Variants in NELL1 observed in about 807,000 individuals in gnomAD.
The protein encoded by NELL1 is protein kinase C-binding protein NELL1.
Under a neutral mutation model 107.4 loss-of-function variants are expected in NELL1, and 76 were observed. That is an observed-to-expected ratio of 0.71 (90% CI 0.59 to 0.86). The LOEUF (loss-of-function observed/expected upper bound fraction) is 0.86. Among genes scored for constraint, NELL1 ranks in the 40% least tolerant of loss-of-function variants. The pLI is 0.00. For synonymous variants in NELL1, 353 were observed against 341.2 expected (o/e 1.03, Z -0.38); for missense variants, 1,024 against 1,005.5 (o/e 1.02, Z -0.25).
chr11:21,248,705 G>A (rs1057368536), intron 14 of NELL1, among the ~76,000 whole-genome samples: 1 of 152,114 alleles, frequency 6.6e-6, no homozygotes, highest in Non-Finnish European at 1.5e-5. Flanking sequence ...ATTTCCTTCT[G>A]GGACCCACCC....
intron 4 of NELL1, among the ~76,000 whole-genome samples, chr11:20,856,415 G>C (rs141730898): frequency 6.6e-6 from 1 of 152,320 alleles, no homozygotes; most frequent in African/African-American, 2.4e-5. Context: ...CTACTCATTA[G>C]AGTCTATTAG....
chr11:21,408,922 C>A (rs928415038), intron 15 of NELL1, among the ~76,000 whole-genome samples: 2 of 151,804 alleles, frequency 1.3e-5, no homozygotes, highest in African/African-American at 4.8e-5. Context: ...ATTAAAAAGT[C>A]AGGAAACAAC....
chr11:21,423,399 T>C (rs1198787120), intron 15 of NELL1, among the ~76,000 whole-genome samples: 1 of 151,958 alleles, frequency 6.6e-6, no homozygotes, highest in Admixed American at 6.6e-5. Context: ...AAAGATATTA[T>C]ATGTTAATAA....
chr11:21,046,536 C>T (rs1017067129), intron 12 of NELL1, among the ~76,000 whole-genome samples: 4 of 151,952 alleles, frequency 2.6e-5, no homozygotes, highest in South Asian at 2.1e-4. Context: ...ATGTTATGTC[C>T]GACTTTGTTC....
intron 13 of NELL1, among the ~76,000 whole-genome samples, chr11:21,116,135 C>A (rs1855230141): frequency 6.6e-6 from 1 of 152,064 alleles, no homozygotes; most frequent in South Asian, 2.1e-4. Flanking sequence ...TTTATGAACT[C>A]TGTTTTGCTA....
At chr11:21,015,423 C>T (rs1005364474) in intron 12 of NELL1, among the ~76,000 whole-genome samples, 1 of 152,086 alleles carries the variant, frequency 6.6e-6, no homozygotes, top group Non-Finnish European at 1.5e-5. Context: ...GTGGTTCCTA[C>T]CTTAGAGTGA....
Position 21,324,744 on chromosome 11 carries a change from G to C in NELL1, c.1550-46109G>C, listed in dbSNP as rs953546517. Among the ~76,000 whole-genome samples the C allele has an allele frequency of 2.0e-5, 3 of 152,170 alleles. No individual in the cohort carries two copies. In the East Asian group the frequency reaches 5.8e-4, roughly 29 times the overall value. On this transcript the variant is annotated intron_variant, in intron 14 of 19. Coordinates refer to ENST00000357134, the MANE Select transcript of NELL1 (RefSeq NM_006157.5). ...AGAGAACAGAGATCACTCAAAATAT[G>C]ATTGTTCTCTCTTCATTCCACAAGT...
chr11:20,819,353 C>T (rs1857697300), intron 3 of NELL1, among the ~76,000 whole-genome samples: 1 of 152,142 alleles, frequency 6.6e-6, no homozygotes, highest in Non-Finnish European at 1.5e-5. Context: ...AACCCAATTA[C>T]AGTGTTGCAT....
chr11:21,252,389 G>A (rs903142160), intron 14 of NELL1, among the ~76,000 whole-genome samples: 2 of 152,050 alleles, frequency 1.3e-5, no homozygotes, highest in Non-Finnish European at 2.9e-5. Flanking sequence ...ATAAAAAATG[G>A]AGCTAGATCA....
chr11:21,374,887 CTGTGTGTGTG>C (rs10566953), intron 15 of NELL1, among the ~76,000 whole-genome samples: 2,270 of 143,786 alleles, frequency 0.016, 46 homozygotes, highest in African/African-American at 0.046. Context: ...CTGTGTGTGT[CTGTGTGTGTG>C]TGTGTGTGTG....
chr11:21,190,186 C>T (rs1334523216), intron 13 of NELL1, among the ~76,000 whole-genome samples: 1 of 151,562 alleles, frequency 6.6e-6, no homozygotes, highest in East Asian at 1.9e-4. Context: ...AATCCTGTCT[C>T]GTCTAAAATA....
intron 14 of NELL1, among the ~76,000 whole-genome samples, chr11:21,360,514 A>G (rs1019231845): frequency 1.3e-5 from 2 of 152,066 alleles, no homozygotes; most frequent in African/African-American, 4.8e-5. Context: ...CATTTGTTCT[A>G]GGGTATAGTT....
chr11:21,433,236 C>T (rs1853013793), intron 15 of NELL1, among the ~76,000 whole-genome samples: 1 of 152,082 alleles, frequency 6.6e-6, no homozygotes, highest in Non-Finnish European at 1.5e-5. Context: ...AAATAGTATT[C>T]CATTGTGTAT....
At chr11:21,514,307 T>C (rs1855506528) in intron 15 of NELL1, among the ~76,000 whole-genome samples, 1 of 152,206 alleles carries the variant, frequency 6.6e-6, no homozygotes, top group Admixed American at 6.5e-5. Flanking sequence ...ATTTGGCATA[T>C]AAAAATGAAG....
chr11:20,706,428 A>G (rs1854957082), intron 2 of NELL1, among the ~76,000 whole-genome samples: 1 of 151,602 alleles, frequency 6.6e-6, no homozygotes, highest in South Asian at 2.1e-4. Context: ...ACAAAAAACC[A>G]AACACCGCAT....
At chr11:21,181,782 A>T (rs1856831791) in intron 13 of NELL1, among the ~76,000 whole-genome samples, 1 of 151,826 alleles carries the variant, frequency 6.6e-6, no homozygotes, top group South Asian at 2.1e-4. Context: ...TTAAATCTTC[A>T]TTTAATTAAT....
rs111289594 is a variant in NELL1, at chr11:21,176,080, G to C, written c.1427-53252G>C. Among the ~76,000 whole-genome samples, 549 of 151,908 alleles carry C rather than the reference G, an allele frequency of 3.6e-3. 14 individuals carry two copies. Among genetic ancestry groups the C allele is most frequent in the African/African-American group, 0.011 (463 of 41,242 alleles). ...TGCAAACTCTGGGCCTAAATATTTA[G>C]AGAGTAGACTCTGGATTTCTTCATC... is the stretch of plus-strand genomic sequence containing the variant. On this transcript the variant is annotated intron_variant, in intron 13 of 19. Coordinates refer to ENST00000357134, the MANE Select transcript of NELL1 (RefSeq NM_006157.5).
At chr11:21,531,663 A>G (rs1252807742) in intron 15 of NELL1, among the ~76,000 whole-genome samples, 1 of 152,166 alleles carries the variant, frequency 6.6e-6, no homozygotes, top group African/African-American at 2.4e-5. Flanking sequence ...TGGTTGACAC[A>G]TTGTGAGTGC....
At chr11:21,068,899 G>T (rs938494626) in intron 12 of NELL1, among the ~76,000 whole-genome samples, 1 of 152,184 alleles carries the variant, frequency 6.6e-6, no homozygotes, top group South Asian at 2.1e-4. Flanking sequence ...CGGGGCCTGG[G>T]GAGCCCCTAA....
Sources: gnomAD v4.1 joint callset for allele counts (sites outside exome capture counted in the v4.1 genomes callset) on GRCh38, gnomAD v4.1.1 for gene constraint, MANE v1.5 for transcripts, NCBI Gene and HGNC (gene_info 2026-07-23, HGNC 2026-07-21) for gene names.